The following ZBTB20 variants were observed in gnomAD, a reference collection of about 807,000 sequenced individuals.
The protein encoded by ZBTB20 is zinc finger and BTB domain containing 20.
In ZBTB20, 9 loss-of-function variants were observed where a neutral mutation model predicts 56.9. The observed-to-expected ratio is 0.16, with a 90% CI of 0.10 to 0.28. The LOEUF is 0.28. Ranked by LOEUF, ZBTB20 falls within the 10% of genes least tolerant of loss-of-function variation. The pLI is 1.00. For synonymous variants in ZBTB20, 417 were observed against 420.7 expected, an observed-to-expected ratio of 0.99 and a Z score of 0.11; for missense variants, 655 against 1,003.0, an observed-to-expected ratio of 0.65 and a Z score of 4.69.
intron 1 of ZBTB20, among the ~76,000 whole-genome samples, chr3:115,117,295 A>G (rs16823508): frequency 0.15 from 23,067 of 152,090 alleles, 2,334 homozygotes; most frequent in East Asian, 0.59. Context: ...CTAGAGTATG[A>G]AAAGCTGACT....
chr3:114,506,488 G>A (rs1052880588), intron 6 of ZBTB20, among the ~76,000 whole-genome samples: 2 of 152,076 alleles, frequency 1.3e-5, no homozygotes, highest in South Asian at 2.1e-4. Context: ...GGCAAGGACC[G>A]AATTTGTTTA....
intron 1 of ZBTB20, among the ~76,000 whole-genome samples, chr3:115,075,646 A>G (rs7617513): frequency 0.6 from 91,059 of 151,956 alleles, 30,105 homozygotes; most frequent in Non-Finnish European, 0.76. Flanking sequence ...CAACATGATA[A>G]GCACATATAT....
chr3:114,720,870 T>A (rs911252880), intron 5 of ZBTB20, among the ~76,000 whole-genome samples: 1 of 152,150 alleles, frequency 6.6e-6, no homozygotes, highest in African/African-American at 2.4e-5. Context: ...TATTATGCAA[T>A]AAAATTCAGA....
intron 7 of ZBTB20, among the ~76,000 whole-genome samples, chr3:114,460,196 C>T (rs549780345): frequency 1.1e-4 from 16 of 152,132 alleles, no homozygotes; most frequent in East Asian, 1.9e-4. Context: ...ATTTTACTGA[C>T]GGAACTCTTA....
chr3:114,392,751 C>T (rs1205470654), intron 7 of ZBTB20, among the ~76,000 whole-genome samples: 1 of 152,132 alleles, frequency 6.6e-6, no homozygotes, highest in Non-Finnish European at 1.5e-5. Context: ...TGAGTCTGTT[C>T]AAATTTTCTT....
chr3:114,578,216 A>G (rs915444272), intron 6 of ZBTB20, among the ~76,000 whole-genome samples: 4 of 152,134 alleles, frequency 2.6e-5, no homozygotes, highest in Non-Finnish European at 4.4e-5. Context: ...AATTTCAAGG[A>G]AAGAATTGAG....
At chr3:114,645,883 A>G (rs1005845118) in intron 6 of ZBTB20, among the ~76,000 whole-genome samples, 3 of 152,112 alleles carry the variant, frequency 2.0e-5, no homozygotes, top group African/African-American at 7.2e-5. Flanking sequence ...GTTTTTTGCC[A>G]AACAAATTAT....
At chr3:114,578,955 C>T (rs2054367654) in intron 6 of ZBTB20, among the ~76,000 whole-genome samples, 2 of 151,714 alleles carry the variant, frequency 1.3e-5, no homozygotes, top group Middle Eastern at 3.4e-3. Context: ...ATAGGTAAAA[C>T]TAAAACTTCA....
intron 5 of ZBTB20, among the ~76,000 whole-genome samples, chr3:114,730,471 C>T (rs1162108131): frequency 6.6e-6 from 1 of 152,176 alleles, no homozygotes; most frequent in Non-Finnish European, 1.5e-5. Flanking sequence ...AAGCCCTAAG[C>T]TCCTACCAAC....
intron 3 of ZBTB20, among the ~76,000 whole-genome samples, chr3:114,928,087 A>G (rs1486910803): frequency 6.6e-6 from 1 of 152,214 alleles, no homozygotes; most frequent in Admixed American, 6.5e-5. Flanking sequence ...ACTCATGTGA[A>G]ATGTGAGGCT....
chr3:114,874,014 G>A (rs2076103758), intron 4 of ZBTB20: 1 of 152,170 alleles, frequency 6.6e-6, no homozygotes, highest in African/African-American at 2.4e-5. Flanking sequence ...TATCATCAAT[G>A]ACTTTGCCTC....
intron 5 of ZBTB20, among the ~76,000 whole-genome samples, chr3:114,747,056 T>C (rs1006055952): frequency 1.1e-4 from 16 of 152,224 alleles, no homozygotes; most frequent in Admixed American, 7.9e-4. Flanking sequence ...TGAATATGTT[T>C]TACTACCTAG....
At chr3:114,531,689 C>G (rs1261341540) in intron 6 of ZBTB20, among the ~76,000 whole-genome samples, 1 of 152,178 alleles carries the variant, frequency 6.6e-6, no homozygotes. Flanking sequence ...AAAAATGACC[C>G]TGGCTGGCAA....
intron 6 of ZBTB20, among the ~76,000 whole-genome samples, chr3:114,576,266 A>G (rs536533663): frequency 4.6e-5 from 7 of 151,846 alleles, no homozygotes; most frequent in Admixed American, 1.3e-4. Flanking sequence ...TTGGGAGGCC[A>G]AGGCGGGCAG....
At chr3:114,427,108 G>A (rs2089742195) in intron 7 of ZBTB20, among the ~76,000 whole-genome samples, 2 of 152,200 alleles carry the variant, frequency 1.3e-5, no homozygotes, top group South Asian at 2.1e-4. Context: ...ACTCACAGAG[G>A]AGGAAGGAAT....
chr3:115,061,443 A>G (rs1208007791), intron 2 of ZBTB20, among the ~76,000 whole-genome samples: 1 of 152,178 alleles, frequency 6.6e-6, no homozygotes. Flanking sequence ...AAAGTTACCA[A>G]ACTCTGTGGA....
chr3:114,995,589 T>A (rs1041041569), intron 2 of ZBTB20, among the ~76,000 whole-genome samples: 3 of 151,822 alleles, frequency 2.0e-5, no homozygotes, highest in African/African-American at 7.3e-5. Context: ...TTAGTAACTT[T>A]GAAAAAATCT....
intron 7 of ZBTB20, among the ~76,000 whole-genome samples, chr3:114,486,588 A>G (rs1414534057): frequency 6.6e-6 from 1 of 152,210 alleles, no homozygotes; most frequent in Non-Finnish European, 1.5e-5. Flanking sequence ...AATTATTTTG[A>G]CTGAAGACTT....
intron 6 of ZBTB20, among the ~76,000 whole-genome samples, chr3:114,613,848 G>T (rs1400670667): frequency 6.6e-6 from 1 of 151,996 alleles, no homozygotes; most frequent in Non-Finnish European, 1.5e-5. Context: ...ATGATGAGGA[G>T]GATGATAATG....
Sources: gnomAD v4.1 joint callset for allele counts (sites outside exome capture counted in the v4.1 genomes callset) on GRCh38, gnomAD v4.1.1 for gene constraint, MANE v1.5 for transcripts, NCBI Gene and HGNC (gene_info 2026-07-23, HGNC 2026-07-21) for gene names.